Variants in EPHA3 observed in about 807,000 individuals in gnomAD.
EPHA3 encodes the protein ephrin type-A receptor 3.
EPHA3 carries 42 observed loss-of-function variants against 107.1 expected under a neutral mutation model. That is an observed-to-expected ratio of 0.39 (90% CI 0.31 to 0.51). The LOEUF (loss-of-function observed/expected upper bound fraction) is 0.51, where lower values mean the gene tolerates loss of function less well. Among genes scored for constraint, EPHA3 ranks in the 20% least tolerant of loss-of-function variants. EPHA3 has a pLI of 0.78. For missense variants in EPHA3, 1,183 were observed against 1,211.2 expected (o/e 0.98, Z 0.35); for synonymous variants, 461 against 424.8 (o/e 1.09, Z -1.05).
chr3:89,362,438 C>T (rs1708112021), intron 5 of EPHA3, among the ~76,000 whole-genome samples: 1 of 151,038 alleles, frequency 6.6e-6, no homozygotes, highest in African/African-American at 2.4e-5. Context: ...CAGTTGGCGC[C>T]AGGCAGCTGC....
At chr3:89,387,165 T>A (rs771513585) in intron 5 of EPHA3, among the ~76,000 whole-genome samples, 3 of 151,894 alleles carry the variant, frequency 2.0e-5, no homozygotes, top group Non-Finnish European at 4.4e-5. Flanking sequence ...ATTTGGGAGG[T>A]GTCAGGGGTG....
rs1460444780 is a variant in EPHA3, at chr3:89,211,814, T to C, written c.814+1294T>C. ...TTCTTCTTCTTCTTCTTCTTCTTCT[T>C]CTTCTCCTTCTCCTCCTCCTCCTCT... On this transcript the variant is annotated intron_variant, in intron 3 of 16. Transcript: ENST00000336596. Among the ~76,000 whole-genome samples the C allele has an allele frequency of 2.1e-3, 208 of 101,110 alleles. 1 individual carries two copies. Among genetic ancestry groups the C allele is most frequent in the African/African-American group, 8.1e-3 (157 of 19,268 alleles). 66.3% of individuals were successfully genotyped at this position (101,110 alleles called of 152,430 possible).
At chr3:89,471,413 GGCTGGAGTGCAATGGC>G (rs1451634537) in intron 15 of EPHA3, among the ~76,000 whole-genome samples, 2 of 152,104 alleles carry the variant, frequency 1.3e-5, no homozygotes, top group Non-Finnish European at 2.9e-5. Context: ...CTGTTGCCCA[GGCTGGAGTGCAATGGC>G]ATGAACTCGG....
chr3:89,187,011 C>T (rs1007939134), intron 2 of EPHA3, among the ~76,000 whole-genome samples: 24 of 151,768 alleles, frequency 1.6e-4, no homozygotes, highest in African/African-American at 5.3e-4. Context: ...ATTTTTATTT[C>T]AGATTTATTT....
Position 89,431,231 on chromosome 3 carries a change from A to C in EPHA3, c.2218A>C (p.Met740Leu). 1 of 1,613,928 alleles carries C rather than the reference A, an allele frequency of 6.2e-7. No homozygotes were observed. Among genetic ancestry groups the C allele is most frequent in the Non-Finnish European group, 8.5e-7 (1 of 1,179,956 alleles). The change falls in exon 13 of 17, where the codon ATG becomes CTG. Residue 740 changes from methionine to leucine, a missense_variant. Transcript: ENST00000336596. ...ATCTGGCATGAAGTACCTGTCAGAC[A>C]TGGGCTATGTTCACCGAGACCTCGC... ...IASGMKYLSD[M>L]GYVHRDLAAR...
At chr3:89,160,634 A>T (rs1194355827) in intron 2 of EPHA3, among the ~76,000 whole-genome samples, 1 of 149,360 alleles carries the variant, frequency 6.7e-6, no homozygotes, top group East Asian at 2.0e-4. Context: ...CAAAGTTTGG[A>T]TCATGTTGTA....
At position 89,324,679 on chromosome 3, in the gene EPHA3, T is replaced by G. The variant is rs183514552; in HGVS notation, c.815-16237T>G. On this transcript the variant is annotated intron_variant, in intron 3 of 16. Coordinates refer to ENST00000336596, the MANE Select transcript of EPHA3 (RefSeq NM_005233.6). ...CTATCACTACACATAATTACCAACT[T>G]TTAGATGTCATCCTATTTTTTTATA... 3.3e-5 allele frequency among the ~76,000 whole-genome samples: 5 copies of G among 152,212 alleles called. No homozygotes were observed. The East Asian group carries it at 7.7e-4, about 24-fold the overall frequency.
chr3:89,179,779 A>G (rs1476347030), intron 2 of EPHA3, among the ~76,000 whole-genome samples: 2 of 152,002 alleles, frequency 1.3e-5, no homozygotes, highest in Non-Finnish European at 2.9e-5. Flanking sequence ...TACCAAGTCA[A>G]ACATACTCAC....
chr3:89,316,124 G>C (rs1706893839), intron 3 of EPHA3, among the ~76,000 whole-genome samples: 1 of 151,722 alleles, frequency 6.6e-6, no homozygotes, highest in Admixed American at 6.6e-5. Flanking sequence ...GAAAAAGAAA[G>C]CGTTCATCAG....
chr3:89,288,038 T>G (rs1706130316), intron 3 of EPHA3, among the ~76,000 whole-genome samples: 1 of 151,958 alleles, frequency 6.6e-6, no homozygotes, highest in Non-Finnish European at 1.5e-5. Flanking sequence ...TTTTTTGGAA[T>G]AAAAAAACTA....
In EPHA3 at chr3:89,270,653, A is replaced by C. The variant is rs137993472; in HGVS notation, c.814+60133A>C. On this transcript the variant is annotated intron_variant, in intron 3 of 16. Transcript: ENST00000336596. ...ATGTGATCAATCTTGTCTGTGCCCC[A>C]GAGTTGTAACTTTTTGAATGAATTC... Among the ~76,000 whole-genome samples the C allele has an allele frequency of 5.3e-3, 810 of 152,196 alleles. 3 individuals carry two copies. The highest frequency in any genetic ancestry group is 8.1e-3 in the Non-Finnish European group (554 of 67,980).
rs1267547543 is a variant in EPHA3 at position 89,200,882 on chromosome 3, G to A, written c.154-8978G>A. Among the ~76,000 whole-genome samples, 7 of 152,070 alleles carry A rather than the reference G, an allele frequency of 4.6e-5. No individual in the cohort carries two copies. The East Asian group carries it at 5.8e-4, about 13-fold the overall frequency. ...CTGAGTGAGTATGGTCTGTGTGAGC[G>A]TGCCCTTCAATACCATAGCTTCCTG... On this transcript the variant is annotated intron_variant, in intron 2 of 16. Transcript: ENST00000336596.
intron 5 of EPHA3, among the ~76,000 whole-genome samples, chr3:89,391,336 C>A (rs1423800184): frequency 6.6e-6 from 1 of 151,572 alleles, no homozygotes; most frequent in Non-Finnish European, 1.5e-5. Context: ...GCATAAGCCA[C>A]CCCTCCCTCT....
intron 13 of EPHA3, among the ~76,000 whole-genome samples, chr3:89,442,624 T>C (rs751071341): frequency 7.2e-5 from 11 of 152,162 alleles, no homozygotes; most frequent in Non-Finnish European, 1.6e-4. Flanking sequence ...AGTGCCCTTC[T>C]AGAGAAACCT....
chr3:89,374,574 A>G (rs1396292789), intron 5 of EPHA3, among the ~76,000 whole-genome samples: 1 of 151,846 alleles, frequency 6.6e-6, no homozygotes, highest in Non-Finnish European at 1.5e-5. Context: ...ATGAGATATT[A>G]CAGCAATTTC....
At chr3:89,451,352 A>G (rs1709986062) in intron 15 of EPHA3, among the ~76,000 whole-genome samples, 1 of 152,218 alleles carries the variant, frequency 6.6e-6, no homozygotes, top group Admixed American at 6.5e-5. Context: ...ATAAGAAGAA[A>G]ATAAATATTA....
intron 3 of EPHA3, among the ~76,000 whole-genome samples, chr3:89,290,466 C>T (rs1384819897): frequency 6.6e-6 from 1 of 152,080 alleles, no homozygotes; most frequent in African/African-American, 2.4e-5. Context: ...CCCTCTCCTC[C>T]ACCAAAACAC....
At chr3:89,370,256 C>A (rs1288514149) in intron 5 of EPHA3, among the ~76,000 whole-genome samples, 1 of 144,080 alleles carries the variant, frequency 6.9e-6, no homozygotes, top group African/African-American at 2.5e-5. Context: ...TGGAATCAAC[C>A]CAAATGTCCA....
chr3:89,374,697 T>C (rs1045962205), intron 5 of EPHA3, among the ~76,000 whole-genome samples: 6 of 151,686 alleles, frequency 4.0e-5, no homozygotes, highest in African/African-American at 1.2e-4. Flanking sequence ...TGCTGCTTGT[T>C]TGAGGGCCAA....
Sources: allele counts gnomAD v4.1 joint callset (sites outside exome capture counted in the v4.1 genomes callset), GRCh38; gene constraint gnomAD v4.1.1; transcripts MANE v1.5; gene names NCBI Gene and HGNC (gene_info 2026-07-23, HGNC 2026-07-21).